CFAP54: variants seen among roughly 807,000 people sequenced by gnomAD.
CFAP54 encodes cilia- and flagella-associated protein 54.
A neutral mutation model predicts 370.4 loss-of-function variants in CFAP54; 290 were observed. That is an observed-to-expected ratio of 0.78 (90% CI 0.71 to 0.86). The LOEUF (loss-of-function observed/expected upper bound fraction) is 0.86, where lower values mean the gene tolerates loss of function less well. Among genes scored for constraint, CFAP54 ranks in the 40% least tolerant of loss-of-function variants. The pLI is 0.00. For missense variants in CFAP54, 3,399 were observed against 3,528.7 expected (o/e 0.96, Z 0.93); for synonymous variants, 1,206 against 1,236.5 (o/e 0.98, Z 0.52).
intron 62 of CFAP54, among the ~76,000 whole-genome samples, chr12:96,787,693 A>G (rs1437518641): frequency 6.6e-6 from 1 of 152,218 alleles, no homozygotes; most frequent in Non-Finnish European, 1.5e-5. Context: ...AAGGATGGAT[A>G]AAGCGTAGTC....
intron 65 of CFAP54, among the ~76,000 whole-genome samples, chr12:96,824,372 T>C (rs1467945349): frequency 2.0e-5 from 3 of 152,206 alleles, no homozygotes; most frequent in African/African-American, 7.2e-5. Context: ...CAAGGCGTTT[T>C]TCAGGTAGCA....
intron 45 of CFAP54, among the ~76,000 whole-genome samples, chr12:96,696,906 A>G (rs537602499): frequency 6.6e-6 from 1 of 152,324 alleles, no homozygotes; most frequent in African/African-American, 2.4e-5. Context: ...AGGAAATAAC[A>G]TGCAATGATG....
rs1283111280 is a variant in CFAP54 at position 96,533,854 on chromosome 12, A to G, written c.1420A>G (p.Ile474Val). 16 of 1,535,006 alleles carry G rather than the reference A, an allele frequency of 1.0e-5. No homozygotes were observed. The East Asian group carries it at 3.9e-4, about 38-fold the overall frequency. Residue 474 changes from isoleucine to valine, a missense_variant, in exon 10 of 68, where the codon ATA becomes GTA. Transcript: ENST00000524981. ...AAAAACATCTCTTCTGGAACTTATGATAGGAAGAAAAGATGTTATTTCTGT... is the reference window on the plus strand; with the variant it reads ...AAAAACATCTCTTCTGGAACTTATGGTAGGAAGAAAAGATGTTATTTCTGT... ...FPKTSLLELM[I>V]GRKDVISVDA... is the part of the protein sequence containing the mutation.
chr12:96,770,089 G>A (rs1237668227), intron 60 of CFAP54, among the ~76,000 whole-genome samples: 1 of 152,066 alleles, frequency 6.6e-6, no homozygotes, highest in Non-Finnish European at 1.5e-5. Context: ...ATTCCCCATA[G>A]TAGGGGAACT....
chr12:96,662,556 A>C (rs1957006900), intron 38 of CFAP54, among the ~76,000 whole-genome samples: 1 of 152,232 alleles, frequency 6.6e-6, no homozygotes, highest in Admixed American at 6.5e-5. Flanking sequence ...ACCCCAAGTC[A>C]GGTTCTGTCA....
At chr12:96,604,837 G>T (rs191253168) in intron 26 of CFAP54, among the ~76,000 whole-genome samples, 2 of 152,228 alleles carry the variant, frequency 1.3e-5, no homozygotes, top group South Asian at 2.1e-4. Flanking sequence ...TGGGAAAAGC[G>T]CAGTATTTGG....
chr12:96,504,681 G>T (rs187306267), intron 3 of CFAP54, among the ~76,000 whole-genome samples: 86 of 152,280 alleles, frequency 5.6e-4, no homozygotes, highest in African/African-American at 1.9e-3. Context: ...CTAAATCTAT[G>T]TTACTTCAAA....
intron 60 of CFAP54, among the ~76,000 whole-genome samples, chr12:96,779,171 A>T (rs1246044789): frequency 1.3e-5 from 2 of 151,976 alleles, no homozygotes; most frequent in African/African-American, 4.8e-5. Context: ...CACAAAGGAA[A>T]CACCCATGTA....
intron 22 of CFAP54, among the ~76,000 whole-genome samples, chr12:96,585,759 C>G (rs982615468): frequency 6.6e-6 from 1 of 152,196 alleles, no homozygotes; most frequent in Non-Finnish European, 1.5e-5. Context: ...TGGACTTTCC[C>G]CAGTCCTATC....
At chr12:96,607,996 A>T (rs1383575623) in intron 26 of CFAP54, among the ~76,000 whole-genome samples, 1 of 152,178 alleles carries the variant, frequency 6.6e-6, no homozygotes, top group Non-Finnish European at 1.5e-5. Context: ...CACTTGAGGA[A>T]ATACTCTATC....
intron 10 of CFAP54, 39 bp from the exon 11 acceptor site, chr12:96,534,023 T>G: frequency 6.7e-7 from 1 of 1,499,766 alleles, no homozygotes. Context: ...TAAAATGACA[T>G]CCAATTACTA....
At chr12:96,775,132 T>C (rs1958503323) in intron 60 of CFAP54, among the ~76,000 whole-genome samples, 1 of 152,140 alleles carries the variant, frequency 6.6e-6, no homozygotes, top group South Asian at 2.1e-4. Flanking sequence ...CTGTGTTCCA[T>C]TAAAACTTTA....
In CFAP54 at chr12:96,594,301, T is replaced by C. The variant is rs1372762672; in HGVS notation, c.3371T>C (p.Leu1124Pro). ...CCTGTTTCTTTACAGATTGCCAGAC[T>C]GATTGAATGTGAGAGAGTATTAGTG... ...EIFPSQQIARLIECERVLVAL... is the reference protein window; with the variant it reads ...EIFPSQQIARPIECERVLVAL... The change falls in exon 25 of 68, where the codon CTG (leucine) becomes CCG (proline). Residue 1124 changes from leucine (L) to proline (P), a missense_variant. This residue lies in a region of CFAP54 where 2,796 missense variants were observed against 2,869.7 expected (regional missense o/e 0.97). Coordinates refer to ENST00000524981, the MANE Select transcript of CFAP54 (RefSeq NM_001306084.2). 1 of 1,527,844 alleles carries C rather than the reference T, an allele frequency of 6.5e-7. No homozygotes were observed. The highest frequency in any genetic ancestry group is 1.4e-5 in the African/African-American group (1 of 72,958). 94.6% of individuals were successfully genotyped at this position (1,527,844 alleles called of 1,614,324 possible). A position where few individuals can be genotyped will look rare whatever the true frequency, so the allele number is the denominator to read the frequency against.
At chr12:96,696,754 C>A (rs1402745974) in intron 45 of CFAP54, among the ~76,000 whole-genome samples, 1 of 151,922 alleles carries the variant, frequency 6.6e-6, no homozygotes, top group African/African-American at 2.4e-5. Flanking sequence ...AAAAACCAGA[C>A]TAGGGTTTTG....
At chr12:96,576,448 T>C in intron 19 of CFAP54, 137 bp from the exon 20 acceptor site, 3 of 583,134 alleles carry the variant, frequency 5.1e-6, no homozygotes, top group East Asian at 6.0e-5. Flanking sequence ...GAAATATATA[T>C]GTATATATTT....
chr12:96,542,534 G>A (rs1842278629), intron 14 of CFAP54, among the ~76,000 whole-genome samples: 2 of 152,166 alleles, frequency 1.3e-5, no homozygotes, highest in South Asian at 2.1e-4. Flanking sequence ...TGTATGCATC[G>A]TCCGGCACCA....
chr12:96,697,231 C>A (rs1476199903), intron 45 of CFAP54, among the ~76,000 whole-genome samples: 1 of 152,092 alleles, frequency 6.6e-6, no homozygotes, highest in Non-Finnish European at 1.5e-5. Context: ...TTCAAATGGT[C>A]AGATTGGTAT....
At chr12:96,638,257 TTA>T in intron 32 of CFAP54, among the ~76,000 whole-genome samples, 2 of 144,958 alleles carry the variant, frequency 1.4e-5, no homozygotes, top group East Asian at 2.0e-4. Context: ...ATATATATAT[TTA>T]TTTTTTTTTG....
At position 96,644,193 on chromosome 12, in the gene CFAP54, T is replaced by C. The variant is rs954893301; in HGVS notation, c.4332T>C (p.Ser1444=). Reference sequence around the variant, plus strand: ...CCCTTGGCAGAAATAGGAGAACCAGTGTTAGGAAAGCAGCACAACGATACC... The same window carrying C: ...CCCTTGGCAGAAATAGGAGAACCAGCGTTAGGAAAGCAGCACAACGATACC... ...MVAHERNRRT[S]VRKAAQRYLM... The change falls in exon 33 of 68, where the codon AGT becomes AGC. Residue 1444 remains serine (S), a synonymous_variant. Transcript: ENST00000524981. 2.6e-5 allele frequency: 40 copies of C among 1,534,312 alleles called. No individual in the cohort carries two copies. Among genetic ancestry groups the C allele is most frequent in the Non-Finnish European group, 3.5e-5 (40 of 1,145,700 alleles).
Sources: gnomAD v4.1 joint callset for allele counts (sites outside exome capture counted in the v4.1 genomes callset) on GRCh38, gnomAD v4.1.1 for gene constraint, gnomAD v4.1.1 regional missense constraint, MANE v1.5 for transcripts, NCBI Gene and HGNC (gene_info 2026-07-23, HGNC 2026-07-21) for gene names.